The following ARHGAP44 variants were observed in gnomAD, a reference collection of about 807,000 sequenced individuals.
ARHGAP44 encodes rho GTPase-activating protein 44.
ARHGAP44 carries 43 observed loss-of-function variants against 106.8 expected under a neutral mutation model. The ratio of observed to expected loss-of-function variants is 0.40; its 90% confidence interval spans 0.32 to 0.52. The LOEUF (loss-of-function observed/expected upper bound fraction) is 0.52, where lower values mean the gene tolerates loss of function less well. Among genes scored for constraint, ARHGAP44 ranks in the 20% least tolerant of loss-of-function variants. The pLI is 0.48. For synonymous variants in ARHGAP44, 439 were observed against 410.3 expected (o/e 1.07, Z -0.85); for missense variants, 866 against 1,050.5 (o/e 0.82, Z 2.43).
At chr17:12,885,324 G>GGTGTGTGTGT (rs146415425) in intron 1 of ARHGAP44, among the ~76,000 whole-genome samples, 9 of 148,810 alleles carry the variant, frequency 6.0e-5, no homozygotes, top group African/African-American at 2.0e-4. Flanking sequence ...TCACAGAGTA[G>GGTGTGTGTGT]GTGTGTGTGT....
At chr17:12,954,744 G>T (rs2039086263) in intron 13 of ARHGAP44, among the ~76,000 whole-genome samples, 1 of 152,202 alleles carries the variant, frequency 6.6e-6, no homozygotes, top group Admixed American at 6.5e-5. Flanking sequence ...GGTTCTGGCA[G>T]ATTTTTAGTG....
Position 12,973,775 on chromosome 17 carries a change from A to G in ARHGAP44, c.1542-314A>G, listed in dbSNP as rs2039589770. Reference sequence around the variant, plus strand: ...TTACACCCAGGGAGCTTGCCGGGCCATCATCCTGAGCTGGCTTTGGCAGAG... The same window carrying G: ...TTACACCCAGGGAGCTTGCCGGGCCGTCATCCTGAGCTGGCTTTGGCAGAG... On this transcript the variant is annotated intron_variant, in intron 17 of 20. Transcript: ENST00000379672. The G allele has an allele frequency of 1.5e-5, 8 of 526,534 alleles. No homozygotes were observed. In the South Asian group the frequency reaches 1.6e-4, roughly 11 times the overall value. 32.6% of individuals were successfully genotyped at this position (526,534 alleles called of 1,614,324 possible). A position where few individuals can be genotyped will look rare whatever the true frequency, so the allele number is the denominator to read the frequency against.
chr17:12,815,266 A>G (rs556881309), intron 1 of ARHGAP44, among the ~76,000 whole-genome samples: 2 of 152,226 alleles, frequency 1.3e-5, no homozygotes, highest in East Asian at 1.9e-4. Context: ...AGAATGTACA[A>G]TCTCATACAC....
intron 1 of ARHGAP44, among the ~76,000 whole-genome samples, chr17:12,858,550 C>A (rs987439659): frequency 6.6e-5 from 10 of 152,096 alleles, no homozygotes; most frequent in African/African-American, 2.4e-4. Flanking sequence ...CAAAAGGGGG[C>A]AAATTAGGAT....
At chr17:12,929,262 A>G (rs1294458109) in intron 7 of ARHGAP44, 7 of 443,082 alleles carry the variant, frequency 1.6e-5, no homozygotes, top group South Asian at 1.1e-4. Context: ...GCATTCATTT[A>G]TCATTGGTGG....
At chr17:12,928,879 C>T in intron 6 of ARHGAP44, 50 bp from the exon 7 acceptor site, 2 of 1,496,618 alleles carry the variant, frequency 1.3e-6, no homozygotes, top group Non-Finnish European at 1.8e-6. Flanking sequence ...CCCATGGGAT[C>T]CCCAGGGCTC....
chr17:12,991,600 C>T lies in ARHGAP44; in HGVS notation c.*1429C>T, dbSNP rs913764771. On this transcript the variant is annotated 3_prime_UTR_variant, in exon 21 of 21. Transcript: ENST00000379672. ...GTTATCTTTAAATACATGTACAAAT[C>T]GTTGTCAAAAGTAACGTTATTAAAA... 12 of 181,252 alleles carry T rather than the reference C, an allele frequency of 6.6e-5. No individual in the cohort carries two copies. The highest frequency in any genetic ancestry group is 2.4e-4 in the African/African-American group (10 of 42,456). 11.2% of individuals were successfully genotyped at this position (181,252 alleles called of 1,614,324 possible).
chr17:12,886,549 C>G (rs1004556988), intron 1 of ARHGAP44, among the ~76,000 whole-genome samples: 1 of 151,928 alleles, frequency 6.6e-6, no homozygotes, highest in African/African-American at 2.4e-5. Context: ...GGATTAACAC[C>G]TAAGTGTTTT....
intron 1 of ARHGAP44, among the ~76,000 whole-genome samples, chr17:12,795,153 C>G (rs940620687): frequency 6.6e-6 from 1 of 152,230 alleles, no homozygotes; most frequent in African/African-American, 2.4e-5. Context: ...AACTCGTCCC[C>G]CAAAGAGCGC....
At chr17:12,869,440 T>G (rs1053229990) in intron 1 of ARHGAP44, among the ~76,000 whole-genome samples, 6 of 152,200 alleles carry the variant, frequency 3.9e-5, no homozygotes, top group Non-Finnish European at 7.3e-5. Flanking sequence ...TTTAAATTTT[T>G]TTTTTATTTT....
chr17:12,874,085 A>G (rs11651483), intron 1 of ARHGAP44, among the ~76,000 whole-genome samples: 116,614 of 152,106 alleles, frequency 0.77, 47,568 homozygotes, highest in Non-Finnish European at 0.91. Context: ...CATGTCTGCC[A>G]TTTCTGCAGT....
intron 1 of ARHGAP44, among the ~76,000 whole-genome samples, chr17:12,838,290 T>C (rs944979760): frequency 8.5e-5 from 13 of 152,216 alleles, no homozygotes; most frequent in African/African-American, 3.1e-4. Flanking sequence ...CATTTGTGTA[T>C]GTTCACATAT....
rs543868814 is a variant in ARHGAP44, at chr17:12,984,582, G to T, written c.1991G>T (p.Gly664Val). The stretch of plus-strand genomic sequence containing the variant: ...CCCAAGGTCCCCTTTGGCCAGCCGG[G>T]GGCTATGGCAGACCAGTCCGCTGGC... ...IPPKVPFGQP[G>V]AMADQSAGQP... is the part of the protein sequence containing the mutation. The change falls in exon 20 of 21, where the codon GGG (glycine) becomes GTG (valine). Residue 664 changes from glycine to valine, a missense_variant. Physicochemically the swap from Gly to Val is moderately radical, Grantham distance 109. Around this residue, in one of 2 missense-constraint regions of ARHGAP44, gnomAD observed 418 missense variants for 403.6 expected, o/e 1.04. Transcript: ENST00000379672. 8.8e-6 allele frequency: 14 copies of T among 1,582,536 alleles called. No homozygotes were observed. In the South Asian group the frequency reaches 1.5e-4, roughly 17 times the overall value.
At chr17:12,800,270 C>T (rs556386050) in intron 1 of ARHGAP44, among the ~76,000 whole-genome samples, 2 of 152,322 alleles carry the variant, frequency 1.3e-5, no homozygotes, top group Admixed American at 6.5e-5. Context: ...TGTATTTAGC[C>T]AAGAGCATGC....
intron 16 of ARHGAP44, among the ~76,000 whole-genome samples, chr17:12,959,275 C>G (rs995739103): frequency 6.6e-6 from 1 of 152,152 alleles, no homozygotes; most frequent in Non-Finnish European, 1.5e-5. Context: ...TGAATGGGCT[C>G]ATTGCATTCT....
chr17:12,806,593 G>A (rs768390541), intron 1 of ARHGAP44, among the ~76,000 whole-genome samples: 5 of 152,118 alleles, frequency 3.3e-5, no homozygotes, highest in Non-Finnish European at 7.3e-5. Flanking sequence ...TTACTGAGTG[G>A]CCACTTGACA....
intron 2 of ARHGAP44, 111 bp from the exon 3 acceptor site, chr17:12,896,296 C>G (rs2037202900): frequency 1.2e-6 from 1 of 838,642 alleles, no homozygotes; most frequent in African/African-American, 1.7e-5. Context: ...AGCTGTCTCT[C>G]CAGGAGTCCT....
At chr17:12,858,619 T>C (rs1426279966) in intron 1 of ARHGAP44, among the ~76,000 whole-genome samples, 4 of 152,182 alleles carry the variant, frequency 2.6e-5, no homozygotes, top group Non-Finnish European at 5.9e-5. Context: ...TGGGCTGAAT[T>C]GTATCTCCCC....
At chr17:12,874,142 T>C (rs1462036438) in intron 1 of ARHGAP44, among the ~76,000 whole-genome samples, 1 of 152,146 alleles carries the variant, frequency 6.6e-6, no homozygotes, top group African/African-American at 2.4e-5. Flanking sequence ...CTGCCACTCC[T>C]GCCATTATGT....
Sources: gnomAD v4.1 joint callset for allele counts (sites outside exome capture counted in the v4.1 genomes callset) on GRCh38, gnomAD v4.1.1 for gene constraint, gnomAD v4.1.1 regional missense constraint, MANE v1.5 for transcripts, NCBI Gene and HGNC (gene_info 2026-07-23, HGNC 2026-07-21) for gene names.